Variants in CYSLTR2 observed in about 807,000 individuals in gnomAD.
CYSLTR2 encodes cysteinyl leukotriene receptor 2.
For missense variants in CYSLTR2, 398 were observed against 411.9 expected (o/e 0.97, Z 0.29); for synonymous variants, 179 against 160.8 (o/e 1.11, Z -0.86).
chr13:48,668,257 C>T (rs570543005), intron 1 of CYSLTR2, among the ~76,000 whole-genome samples: 27 of 151,242 alleles, frequency 1.8e-4, no homozygotes, highest in Non-Finnish European at 2.9e-4. Context: ...GAGAGACCCA[C>T]GGGAAATGTC....
At chr13:48,667,394 C>A (rs1398438191) in intron 1 of CYSLTR2, among the ~76,000 whole-genome samples, 1 of 152,202 alleles carries the variant, frequency 6.6e-6, no homozygotes, top group Non-Finnish European at 1.5e-5. Flanking sequence ...GGGTGGAGGG[C>A]ATGCCTGCCA....
intron 4 of CYSLTR2, among the ~76,000 whole-genome samples, chr13:48,705,958 G>A (rs1954470661): frequency 1.4e-5 from 2 of 146,474 alleles, no homozygotes; most frequent in East Asian, 2.0e-4. Flanking sequence ...ACTTCCTTTA[G>A]TCATTCTTTG....
rs1953849276 is a variant in CYSLTR2 at position 48,684,621 on chromosome 13, C to G, written c.-265-6591C>G. Among the ~76,000 whole-genome samples the G allele has an allele frequency of 2.0e-5, 3 of 151,972 alleles. No individual in the cohort carries two copies. The South Asian group carries it at 6.2e-4, about 32-fold the overall frequency. On this transcript the variant is annotated intron_variant, in intron 1 of 4. Coordinates refer to ENST00000682523, the MANE Select transcript of CYSLTR2 (RefSeq NM_001308476.3). Reference sequence around the variant, plus strand: ...AAGCACACACAGTGTCTCAACCTCTCATATAATACAACAACTCTATGAAAT... The same window carrying G: ...AAGCACACACAGTGTCTCAACCTCTGATATAATACAACAACTCTATGAAAT...
chr13:48,705,398 CTTATA>C (rs1954453713), intron 4 of CYSLTR2, among the ~76,000 whole-genome samples: 1 of 151,922 alleles, frequency 6.6e-6, no homozygotes, highest in Non-Finnish European at 1.5e-5. Flanking sequence ...ATTTAGACTA[CTTATA>C]TTTAATGTAA....
chr13:48,682,787 G>A (rs767287309), intron 1 of CYSLTR2, among the ~76,000 whole-genome samples: 11 of 152,208 alleles, frequency 7.2e-5, no homozygotes, highest in Non-Finnish European at 1.2e-4. Flanking sequence ...AGGTAAATTC[G>A]TGTCACAGGG....
intron 1 of CYSLTR2, among the ~76,000 whole-genome samples, chr13:48,685,311 A>G (rs1310028133): frequency 2.6e-5 from 4 of 152,072 alleles, no homozygotes; most frequent in Non-Finnish European, 4.4e-5. Flanking sequence ...TGAGAACAGC[A>G]CCGAGGGGAC....
chr13:48,698,628 AC>A (rs1954258348), intron 4 of CYSLTR2, among the ~76,000 whole-genome samples: 1 of 152,206 alleles, frequency 6.6e-6, no homozygotes, highest in East Asian at 1.9e-4. Context: ...AAGCAAAATA[AC>A]CAGCTAACAT....
chr13:48,663,659 A>G (rs1005349260), intron 1 of CYSLTR2, among the ~76,000 whole-genome samples: 2 of 152,040 alleles, frequency 1.3e-5, no homozygotes, highest in Non-Finnish European at 2.9e-5. Context: ...GTTTGTGTAG[A>G]AAACACTACT....
chr13:48,679,229 A>G (rs113794717), intron 1 of CYSLTR2, among the ~76,000 whole-genome samples: 1,639 of 151,880 alleles, frequency 0.011, 31 homozygotes, highest in African/African-American at 0.032. Context: ...TCTCTCCCCC[A>G]GAACCTTAAA....
chr13:48,680,126 G>A (rs1953708965), intron 1 of CYSLTR2, among the ~76,000 whole-genome samples: 1 of 152,190 alleles, frequency 6.6e-6, no homozygotes, highest in Non-Finnish European at 1.5e-5. Context: ...GCAGCTCATT[G>A]TCTAATTGCA....
In CYSLTR2 at chr13:48,679,216, A is replaced by G. The variant is rs189859021; in HGVS notation, c.-265-11996A>G. Among the ~76,000 whole-genome samples, 53 of 151,022 alleles carry G rather than the reference A, an allele frequency of 3.5e-4. 2 individuals carry two copies. The East Asian group carries it at 9.6e-3, about 27-fold the overall frequency. ...GTCCCTGTCCCTCTCTCCTTAGTCA[A>G]TCTCTCTCCCCCAGAACCTTAAAAA... On this transcript the variant is annotated intron_variant, in intron 1 of 4. Transcript: ENST00000682523.
At position 48,707,796 on chromosome 13, in the gene CYSLTR2, A is replaced by T; in HGVS notation, c.979A>T (p.Lys327Ter). The change falls in exon 5 of 5, where the codon AAG (lysine) becomes TAG (stop). Residue 327 changes from lysine to a stop codon, truncating the protein, a stop_gained. Transcript: ENST00000682523. LOFTEE classifies it low-confidence loss of function (END_TRUNC). ...TGCACTCAGAAAAGGCCATCCACAGAAGGCAAAGACAAAGTGTGTTTTCCC... is the reference window on the plus strand; with the variant it reads ...TGCACTCAGAAAAGGCCATCCACAGTAGGCAAAGACAAAGTGTGTTTTCCC... ...KSALRKGHPQ[K>*]AKTKCVFPVS... The T allele has an allele frequency of 6.4e-7, 1 of 1,561,444 alleles. No individual in the cohort carries two copies. The highest frequency in any genetic ancestry group is 8.7e-7 in the Non-Finnish European group (1 of 1,155,080).
chr13:48,679,896 A>C (rs1363602975), intron 1 of CYSLTR2, among the ~76,000 whole-genome samples: 1 of 152,132 alleles, frequency 6.6e-6, no homozygotes, highest in Non-Finnish European at 1.5e-5. Flanking sequence ...CCAATGTGGG[A>C]GTTACAGGTG....
At chr13:48,688,645 T>C (rs928116156) in intron 1 of CYSLTR2, among the ~76,000 whole-genome samples, 3 of 152,248 alleles carry the variant, frequency 2.0e-5, no homozygotes, top group Non-Finnish European at 4.4e-5. Flanking sequence ...ATTTTCTTTA[T>C]CTAGTCTATC....
chr13:48,656,572 C>T (rs1200794703), intron 1 of CYSLTR2, among the ~76,000 whole-genome samples: 2 of 152,206 alleles, frequency 1.3e-5, no homozygotes, highest in African/African-American at 4.8e-5. Context: ...ACTCTGCCTC[C>T]TATCCACCTG....
At chr13:48,682,764 A>G (rs1953790437) in intron 1 of CYSLTR2, among the ~76,000 whole-genome samples, 1 of 152,162 alleles carries the variant, frequency 6.6e-6, no homozygotes, top group African/African-American at 2.4e-5. Flanking sequence ...GTACATGTGC[A>G]GGTTTGTTAT....
chr13:48,682,018 A>G (rs987100644), intron 1 of CYSLTR2, among the ~76,000 whole-genome samples: 1 of 152,154 alleles, frequency 6.6e-6, no homozygotes, highest in African/African-American at 2.4e-5. Context: ...CCTTTTCAAT[A>G]AAAGGCCATT....
intron 4 of CYSLTR2, among the ~76,000 whole-genome samples, chr13:48,700,242 T>A (rs1954303841): frequency 6.6e-6 from 1 of 152,130 alleles, no homozygotes; most frequent in South Asian, 2.1e-4. Flanking sequence ...ACTGATGTCC[T>A]TCATGAACAT....
chr13:48,701,912 C>T (rs576327918), intron 4 of CYSLTR2, among the ~76,000 whole-genome samples: 92 of 152,190 alleles, frequency 6.0e-4, no homozygotes, highest in African/African-American at 2.2e-3. Context: ...CATTACTGGG[C>T]ATATACCCAA....
Sources: allele counts gnomAD v4.1 joint callset (sites outside exome capture counted in the v4.1 genomes callset), GRCh38; gene constraint gnomAD v4.1.1; transcripts MANE v1.5; gene names NCBI Gene and HGNC (gene_info 2026-07-23, HGNC 2026-07-21).